Variants in BBS9 observed in about 807,000 individuals in gnomAD.
BBS9 encodes the protein protein PTHB1.
In BBS9, 89 loss-of-function variants were observed where a neutral mutation model predicts 117.7. That is an observed-to-expected ratio of 0.76 (90% CI 0.64 to 0.90). BBS9 has a LOEUF of 0.90. Ranked by LOEUF, BBS9 falls within the 40% of genes least tolerant of loss-of-function variation. The pLI is 0.00. For synonymous variants in BBS9, 379 were observed against 370.9 expected (o/e 1.02, Z -0.25); for missense variants, 982 against 1,042.2 (o/e 0.94, Z 0.80).
intron 19 of BBS9, among the ~76,000 whole-genome samples, chr7:33,441,687 A>C (rs908551650): frequency 2.0e-5 from 3 of 152,158 alleles, no homozygotes; most frequent in African/African-American, 7.2e-5. Flanking sequence ...AACCCATTTA[A>C]TTGCAACTAA....
chr7:33,212,435 T>A (rs1159246553), intron 5 of BBS9, among the ~76,000 whole-genome samples: 1 of 152,216 alleles, frequency 6.6e-6, no homozygotes, highest in Admixed American at 6.5e-5. Context: ...AATCTCTTTG[T>A]TACATTTATC....
intron 21 of BBS9, among the ~76,000 whole-genome samples, chr7:33,622,415 G>A (rs1262129696): frequency 1.3e-5 from 2 of 152,008 alleles, no homozygotes; most frequent in African/African-American, 4.8e-5. Context: ...TAGTAATAAT[G>A]TATACTTGAA....
At chr7:33,310,407 G>T (rs1808961926) in intron 9 of BBS9, among the ~76,000 whole-genome samples, 1 of 152,136 alleles carries the variant, frequency 6.6e-6, no homozygotes, top group Admixed American at 6.5e-5. Flanking sequence ...TGTTGGAAGT[G>T]AAACCATGGT....
chr7:33,603,902 C>T (rs2129205726), intron 21 of BBS9, among the ~76,000 whole-genome samples: 1 of 152,232 alleles, frequency 6.6e-6, no homozygotes, highest in South Asian at 2.1e-4. Flanking sequence ...GGGATCTTGC[C>T]ACTTCCCTCT....
At chr7:33,420,680 A>G (rs1448840599) in intron 19 of BBS9, among the ~76,000 whole-genome samples, 1 of 152,110 alleles carries the variant, frequency 6.6e-6, no homozygotes, top group African/African-American at 2.4e-5. Flanking sequence ...GAAATGTTCC[A>G]TGGAAACTTT....
intron 21 of BBS9, among the ~76,000 whole-genome samples, chr7:33,594,710 G>A (rs1862453703): frequency 6.6e-6 from 1 of 152,070 alleles, no homozygotes; most frequent in South Asian, 2.1e-4. Context: ...ATTGAATGGT[G>A]TCAACCTGAT....
chr7:33,509,213 G>A (rs191966694), intron 20 of BBS9, among the ~76,000 whole-genome samples: 50 of 152,184 alleles, frequency 3.3e-4, no homozygotes, highest in Non-Finnish European at 4.9e-4. Context: ...TATTCACTTC[G>A]GACTTATACT....
chr7:33,528,832 G>A (rs1166904812), intron 20 of BBS9, among the ~76,000 whole-genome samples: 1 of 151,854 alleles, frequency 6.6e-6, no homozygotes, highest in Non-Finnish European at 1.5e-5. Context: ...TGATTCACAG[G>A]TGGCATGGGA....
intron 21 of BBS9, among the ~76,000 whole-genome samples, chr7:33,598,302 A>G (rs959075744): frequency 1.3e-5 from 2 of 152,148 alleles, no homozygotes; most frequent in East Asian, 1.9e-4. Context: ...ACAAATTCCA[A>G]TAGAAAAGTA....
chr7:33,579,723 G>A (rs1057435099), intron 21 of BBS9, among the ~76,000 whole-genome samples: 15 of 152,100 alleles, frequency 9.9e-5, no homozygotes, highest in African/African-American at 3.4e-4. Context: ...TGTCAGCCAA[G>A]CATTTCAAGA....
At chr7:33,354,732 G>T (rs973787825) in intron 15 of BBS9, among the ~76,000 whole-genome samples, 1 of 151,818 alleles carries the variant, frequency 6.6e-6, no homozygotes, top group Non-Finnish European at 1.5e-5. Flanking sequence ...TGGGCTTTTG[G>T]GGTGTGCCAG....
chr7:33,388,270 G>C, intron 19 of BBS9, 126 bp downstream of exon 19: 1 of 1,182,236 alleles, frequency 8.5e-7, no homozygotes, highest in South Asian at 1.3e-5. Flanking sequence ...AGTGAACAGT[G>C]CACAAGCTTT....
intron 21 of BBS9, among the ~76,000 whole-genome samples, chr7:33,542,565 G>A (rs1196679610): frequency 6.6e-6 from 1 of 152,024 alleles, no homozygotes; most frequent in African/African-American, 2.4e-5. Context: ...CCACATATCA[G>A]TGAAAACATA....
chr7:33,350,990 G>A (rs992586401), intron 13 of BBS9, among the ~76,000 whole-genome samples: 30 of 152,056 alleles, frequency 2.0e-4, no homozygotes, highest in Non-Finnish European at 4.3e-4. Context: ...CACTGTGCCC[G>A]GTCTTAGGCA....
intron 19 of BBS9, among the ~76,000 whole-genome samples, chr7:33,440,051 G>A (rs1236396007): frequency 6.6e-6 from 1 of 152,118 alleles, no homozygotes; most frequent in Non-Finnish European, 1.5e-5. Context: ...GCAGTGTGAT[G>A]CAAAAAGGCT....
At chr7:33,485,825 T>C (rs1843042960) in intron 19 of BBS9, among the ~76,000 whole-genome samples, 1 of 152,198 alleles carries the variant, frequency 6.6e-6, no homozygotes, top group African/African-American at 2.4e-5. Context: ...TTGGATCACT[T>C]TAACCAAATT....
intron 1 of BBS9, among the ~76,000 whole-genome samples, chr7:33,145,059 A>G (rs1479997055): frequency 6.6e-6 from 1 of 152,204 alleles, no homozygotes; most frequent in East Asian, 1.9e-4. Context: ...AAAAAACTAC[A>G]TTATGTATTG....
rs567559850 is a variant in BBS9, at chr7:33,216,741, G to T, written c.442+39150G>T. On this transcript the variant is annotated intron_variant, in intron 5 of 22. Transcript: ENST00000242067. ...TGATATGGTATGAAGGAGTCTCTTG[G>T]ATGGGCCAAATTGCCTTTCAAAAAA... is the stretch of plus-strand genomic sequence containing the variant. Among the ~76,000 whole-genome samples the T allele has an allele frequency of 1.2e-4, 18 of 152,262 alleles. No homozygotes were observed. In the South Asian group the frequency reaches 3.5e-3, roughly 30 times the overall value.
intron 21 of BBS9, among the ~76,000 whole-genome samples, chr7:33,576,672 G>A (rs1345671817): frequency 6.6e-6 from 1 of 152,162 alleles, no homozygotes; most frequent in Non-Finnish European, 1.5e-5. Flanking sequence ...CAAGGCTACA[G>A]TAACCAAAAC....
Sources: allele counts gnomAD v4.1 joint callset (sites outside exome capture counted in the v4.1 genomes callset), GRCh38; gene constraint gnomAD v4.1.1; transcripts MANE v1.5; gene names NCBI Gene and HGNC (gene_info 2026-07-23, HGNC 2026-07-21).